The following SSTR3 variants were observed in gnomAD, a reference collection of about 807,000 sequenced individuals.
The protein encoded by SSTR3 is somatostatin receptor type 3.
For missense variants in SSTR3, 504 were observed against 604.7 expected (o/e 0.83, Z 1.75); for synonymous variants, 281 against 269.2 (o/e 1.04, Z -0.43).
In SSTR3 at chr22:37,211,025, C is replaced by T. The variant is rs563474114; in HGVS notation, c.-37+800G>A. ...GTTTTTAGAGAGGAAGAAGTTGAGG[C>T]TCAGAGAGGTTGAGTAAGCTGCAAA... On this transcript the variant is annotated intron_variant, in intron 1 of 1. Coordinates refer to ENST00000610913, the MANE Select transcript of SSTR3 (RefSeq NM_001051.5). 6 of 976,368 alleles carry T rather than the reference C, an allele frequency of 6.1e-6. No individual in the cohort carries two copies. The African/African-American group carries it at 1.0e-4, about 17-fold the overall frequency. 60.5% of individuals were successfully genotyped at this position (976,368 alleles called of 1,614,324 possible). A position where few individuals can be genotyped will look rare whatever the true frequency, so the allele number is the denominator to read the frequency against.
At chr22:37,207,929 C>T (rs1925952625) in intron 1 of SSTR3, 90 bp from the exon 2 acceptor site, 2 of 1,358,650 alleles carry the variant, frequency 1.5e-6, no homozygotes, top group African/African-American at 1.5e-5. Context: ...GGACCTGCTG[C>T]ACGCCCATCC....
intron 1 of SSTR3, chr22:37,210,924 T>A: frequency 1.0e-6 from 1 of 985,354 alleles, no homozygotes; most frequent in Non-Finnish European, 1.2e-6. Context: ...CAAGGAGAGC[T>A]CCAAGGTGGG....
intron 1 of SSTR3, among the ~76,000 whole-genome samples, chr22:37,209,273 T>C (rs1329240216): frequency 6.6e-6 from 1 of 152,174 alleles, no homozygotes; most frequent in Non-Finnish European, 1.5e-5. Context: ...CACGCCTGGC[T>C]ACCCCTGCCC....
intron 1 of SSTR3, among the ~76,000 whole-genome samples, chr22:37,208,118 G>A (rs982132140): frequency 2.0e-5 from 3 of 152,170 alleles, no homozygotes; most frequent in Non-Finnish European, 4.4e-5. Context: ...TGTGTGGCAT[G>A]AAGTCATACT....
chr22:37,207,482 A>T lies in SSTR3; in HGVS notation c.322T>A (p.Tyr108Asn). The change falls in exon 2 of 2, where the codon TAC becomes AAC. Residue 108 changes from tyrosine (Y) to asparagine (N), a missense_variant. Transcript: ENST00000610913. ...CACATGAGGGAGCCGAAGGGCCAGTAGGACAGGGCGTTCTGGGCGGCCAGG... is the reference window on the plus strand; with the variant it reads ...CACATGAGGGAGCCGAAGGGCCAGTTGGACAGGGCGTTCTGGGCGGCCAGG... ...PFLAAQNALS[Y>N]WPFGSLMCRL... is the part of the protein sequence containing the mutation. 1 of 1,613,650 alleles carries T rather than the reference A, an allele frequency of 6.2e-7. No homozygotes were observed. Among genetic ancestry groups the T allele is most frequent in the Non-Finnish European group, 8.5e-7 (1 of 1,180,000 alleles).
chr22:37,206,547 C>A lies in SSTR3; in HGVS notation c.1257G>T (p.Ter419TyrextTer30). The change falls in exon 2 of 2, where the codon TAG becomes TAT. Residue 419 changes from the stop codon to tyrosine, a stop_lost. Transcript: ENST00000610913. ...GGCCATCCTGGCTTTCCCCAGGCCCCTACAGGTAGCTGATGCGCATCGTGC... is the reference window on the plus strand; with the variant it reads ...GGCCATCCTGGCTTTCCCCAGGCCCATACAGGTAGCTGATGCGCATCGTGC... The part of the protein sequence containing the change: ...KSSTMRISYL[*>Y] 1.9e-6 allele frequency: 3 copies of A among 1,601,294 alleles called. No homozygotes were observed. Among genetic ancestry groups the A allele is most frequent in the Non-Finnish European group, 2.6e-6 (3 of 1,172,812 alleles).
chr22:37,218,613 TAGGGAGGGTAGGAGTGG>T, the SSTR3 span, among the ~76,000 whole-genome samples: 84 of 151,740 alleles, frequency 5.5e-4, 1 homozygote, highest in South Asian at 0.017. Flanking sequence ...GAGTGATGGG[TAGGGAGGGTAGGAGTGG>T]AGGAGTGATT....
At position 37,206,594 on chromosome 22, in the gene SSTR3, C is replaced by G; in HGVS notation, c.1210G>C (p.Ala404Pro). ...SKEQQLLPQE[A>P]STGEKSSTMR... is the part of the protein sequence containing the mutation. The stretch of plus-strand genomic sequence containing the variant: ...GTGCTGGACTTCTCCCCAGTGGAAG[C>G]CTCTTGGGGTAGGAGCTGCTGCTCC... The change falls in exon 2 of 2, where the codon GCT becomes CCT. Residue 404 changes from alanine to proline, a missense_variant. Ala to Pro is a conservative substitution (Grantham distance 27, BLOSUM62 -1). Coordinates refer to ENST00000610913, the MANE Select transcript of SSTR3 (RefSeq NM_001051.5). 1 of 1,612,288 alleles carries G rather than the reference C, an allele frequency of 6.2e-7. No individual in the cohort carries two copies. Among genetic ancestry groups the G allele is most frequent in the Non-Finnish European group, 8.5e-7 (1 of 1,179,884 alleles).
In SSTR3 at chr22:37,206,304, C is replaced by CCT; in HGVS notation, c.*241_*242dup. 1 of 564,988 alleles carries CCT rather than the reference C, an allele frequency of 1.8e-6. No individual in the cohort carries two copies. The highest frequency in any genetic ancestry group is 3.3e-5 in the East Asian group (1 of 30,670). The allele number at this position is 564,988 out of a possible 1,614,324, so 35.0% of individuals were successfully genotyped here. A position where few individuals can be genotyped will look rare whatever the true frequency, so the allele number is the denominator to read the frequency against. On this transcript the variant is annotated 3_prime_UTR_variant, in exon 2 of 2. Coordinates refer to ENST00000610913, the MANE Select transcript of SSTR3 (RefSeq NM_001051.5). ...CAGCCCAGCAACAGTGCCCTCCAAA[C>CCT]CTCTCATCTGACATAGCTCATCCAG...
chr22:37,219,367 C>T, the SSTR3 span, among the ~76,000 whole-genome samples: 1 of 151,868 alleles, frequency 6.6e-6, no homozygotes, highest in African/African-American at 2.4e-5. Context: ...GCTCCTGCCA[C>T]AGCTTGGTGT....
At position 37,206,754 on chromosome 22, in the gene SSTR3, C is replaced by T; in HGVS notation, c.1050G>A (p.Glu350=). The T allele has an allele frequency of 6.2e-7, 1 of 1,610,166 alleles. No homozygotes were observed. Among genetic ancestry groups the T allele is most frequent in the Non-Finnish European group, 8.5e-7 (1 of 1,179,802 alleles). ...PTVGPPEKTE[E]EDEEEEDGEE... is the part of the protein sequence containing the mutation. The stretch of plus-strand genomic sequence containing the variant: ...CCCCATCCTCCTCCTCCTCATCCTC[C>T]TCCTCAGTCTTCTCCGGGGGCCCCA... Residue 350 remains glutamate (E), a synonymous_variant, in exon 2 of 2, where the codon GAG becomes GAA. Transcript: ENST00000610913.
chr22:37,216,869 C>T (rs1406833289), upstream of SSTR3, among the ~76,000 whole-genome samples: 3 of 152,252 alleles, frequency 2.0e-5, no homozygotes, highest in South Asian at 2.1e-4. Flanking sequence ...GGTTCAATCT[C>T]GGCTCACTGC....
chr22:37,215,838 G>T (rs1926418569), upstream of SSTR3: 1 of 290,210 alleles, frequency 3.4e-6, no homozygotes, highest in Non-Finnish European at 7.5e-6. Flanking sequence ...GGACAATTTT[G>T]CTTTTGTTTC....
the SSTR3 span, among the ~76,000 whole-genome samples, chr22:37,219,400 G>A: frequency 3.3e-5 from 4 of 120,088 alleles, no homozygotes; most frequent in Non-Finnish European, 6.8e-5. Context: ...TAATAGGTGG[G>A]AACTGTATTG....
chr22:37,210,071 G>A (rs188816692), intron 1 of SSTR3, among the ~76,000 whole-genome samples: 5 of 152,344 alleles, frequency 3.3e-5, no homozygotes, highest in African/African-American at 9.6e-5. Flanking sequence ...TCCCTGGTAG[G>A]GGACCCGCGT....
At chr22:37,220,122 A>G in the SSTR3 span, among the ~76,000 whole-genome samples, 5 of 152,182 alleles carry the variant, frequency 3.3e-5, no homozygotes, top group Non-Finnish European at 7.3e-5. Context: ...AAACAATTAT[A>G]AACAGTGATG....
the SSTR3 span, among the ~76,000 whole-genome samples, chr22:37,219,264 A>G: frequency 6.6e-6 from 1 of 152,166 alleles, no homozygotes; most frequent in African/African-American, 2.4e-5. Context: ...ATCAAGCCAC[A>G]TGGTGGATGT....
At chr22:37,210,457 TATCTC>T (rs1380536751) in intron 1 of SSTR3, 2 of 945,936 alleles carry the variant, frequency 2.1e-6, no homozygotes, top group African/African-American at 3.6e-5. Context: ...TCTCCACCCT[TATCTC>T]AGCCGGTCTT....
rs747210305 is a variant in SSTR3, at chr22:37,207,600, C to T, written c.204G>A (p.Val68=). Residue 68 remains valine (V), a synonymous_variant, in exon 2 of 2, where the codon GTG becomes GTA. Transcript: ENST00000610913. ...GLLGNSLVIY[V]VLRHTASPSV... ...AAGGGCTGGCCGTGTGCCGCAGGAC[C>T]ACATAGATGACCAGCGAGTTACCCA... 1 of 1,609,264 alleles carries T rather than the reference C, an allele frequency of 6.2e-7. No homozygotes were observed. Among genetic ancestry groups the T allele is most frequent in the Non-Finnish European group, 8.5e-7 (1 of 1,176,444 alleles).
Sources: gnomAD v4.1 joint callset for allele counts (sites outside exome capture counted in the v4.1 genomes callset) on GRCh38, gnomAD v4.1.1 for gene constraint, MANE v1.5 for transcripts, NCBI Gene and HGNC (gene_info 2026-07-23, HGNC 2026-07-21) for gene names.